The following GPATCH8 variants were observed in gnomAD, a reference collection of about 807,000 sequenced individuals.
GPATCH8 encodes G-patch domain containing 8.
GPATCH8 carries 18 observed loss-of-function variants against 118.3 expected under a neutral mutation model. The ratio of observed to expected loss-of-function variants is 0.15; its 90% CI spans 0.11 to 0.23. The LOEUF is 0.23. Among genes scored for constraint, GPATCH8 ranks in the 10% least tolerant of loss-of-function variants. The pLI, the probability that GPATCH8 is intolerant of heterozygous loss-of-function variation, is 1.00. For synonymous variants in GPATCH8, 659 were observed against 684.7 expected (o/e 0.96, Z 0.59); for missense variants, 1,631 against 1,873.8 (o/e 0.87, Z 2.39).
At position 44,401,354 on chromosome 17, in the gene GPATCH8, T is replaced by G; in HGVS notation, c.723A>C (p.Thr241=). The G allele has an allele frequency of 6.2e-7, 1 of 1,601,198 alleles. No individual in the cohort carries two copies. Among genetic ancestry groups the G allele is most frequent in the Non-Finnish European group, 8.6e-7 (1 of 1,168,814 alleles). Residue 241 remains threonine, a synonymous_variant, in exon 8 of 8, where the codon ACA becomes ACC. Coordinates refer to ENST00000591680, the MANE Select transcript of GPATCH8 (RefSeq NM_001002909.4). The part of the protein sequence containing the change: ...DKDESATNSG[T]GATASCGLGS... ...CCAGGCCACAAGAAGCAGTGGCACC[T>G]GTGCCACTATTTGTAGCTGATTCAT...
At chr17:44,495,351 T>C (rs903149898) in intron 1 of GPATCH8, among the ~76,000 whole-genome samples, 7 of 151,992 alleles carry the variant, frequency 4.6e-5, no homozygotes, top group Non-Finnish European at 1.0e-4. Flanking sequence ...TAAAATAAAA[T>C]AAAAGCATGT....
At chr17:44,420,643 G>A (rs1035809690) in intron 6 of GPATCH8, among the ~76,000 whole-genome samples, 62 of 152,272 alleles carry the variant, frequency 4.1e-4, no homozygotes, top group South Asian at 1.5e-3. Flanking sequence ...GGTAACACAA[G>A]GTGTGCAGGA....
intron 5 of GPATCH8, among the ~76,000 whole-genome samples, chr17:44,431,521 A>G (rs996526855): frequency 1.3e-5 from 2 of 151,572 alleles, no homozygotes; most frequent in African/African-American, 4.8e-5. Flanking sequence ...CTAAGTGTTT[A>G]TAGTTTTTCT....
chr17:44,397,805 T>A lies in GPATCH8; in HGVS notation c.4272A>T (p.Ser1424=), dbSNP rs993547531. Residue 1424 remains serine, a synonymous_variant, in exon 8 of 8, where the codon TCA becomes TCT. Transcript: ENST00000591680. ...AGGTGGCAGGGTGGCCAGGGATGAT[T>A]GAGTGAGTGAGGTGGGACAAAGAAA... ...TPISLSHLTH[S]IIPGHPATFL... The A allele has an allele frequency of 6.3e-7, 1 of 1,584,538 alleles. No individual in the cohort carries two copies. The highest frequency in any genetic ancestry group is 1.7e-5 in the Admixed American group (1 of 58,732).
At chr17:44,464,224 C>G (rs1360090488) in intron 3 of GPATCH8, among the ~76,000 whole-genome samples, 4 of 152,136 alleles carry the variant, frequency 2.6e-5, no homozygotes, top group Non-Finnish European at 5.9e-5. Flanking sequence ...ACAGGCTGAG[C>G]CACACACAGT....
rs184730304 is a variant in GPATCH8 at position 44,479,608 on chromosome 17, C to A, written c.46-4705G>T. On this transcript the variant is annotated intron_variant, in intron 1 of 7. Coordinates refer to ENST00000591680, the MANE Select transcript of GPATCH8 (RefSeq NM_001002909.4). The stretch of plus-strand genomic sequence containing the variant: ...AGAAGAAAAAATACAAGAGAAAAAT[C>A]TTTGTGACCACAGGCTAGGCAAATA... 2.2e-3 allele frequency among the ~76,000 whole-genome samples: 330 copies of A among 152,260 alleles called. 1 individual carries two copies. The highest frequency in any genetic ancestry group is 7.6e-3 in the African/African-American group (314 of 41,562).
chr17:44,449,758 C>T (rs2051046277), intron 3 of GPATCH8, among the ~76,000 whole-genome samples: 1 of 152,160 alleles, frequency 6.6e-6, no homozygotes, highest in African/African-American at 2.4e-5. Context: ...GGTGATCCGC[C>T]CGCCTCAGCC....
rs140472204 is a variant in GPATCH8, at chr17:44,438,794, G to A, written c.194-2249C>T. ...GCCTTCTAGCAGGCAGACAGGATGG[G>A]GTAAAGTTAACAGTTGGGCTTTGTC... On this transcript the variant is annotated intron_variant, in intron 3 of 7. Transcript: ENST00000591680. 539 of 152,656 alleles carry A rather than the reference G, an allele frequency of 3.5e-3. 1 individual carries two copies. The highest frequency in any genetic ancestry group is 4.8e-3 in the Non-Finnish European group (329 of 68,074). 9.5% of individuals were successfully genotyped at this position (152,656 alleles called of 1,614,324 possible).
chr17:44,442,118 TATATAG>T (rs1257324062), intron 3 of GPATCH8, among the ~76,000 whole-genome samples: 47 of 140,916 alleles, frequency 3.3e-4, no homozygotes, highest in African/African-American at 5.6e-4. Context: ...CATATATATA[TATATAG>T]AGAGAGAGAG....
intron 1 of GPATCH8, among the ~76,000 whole-genome samples, chr17:44,477,996 G>C (rs1263134514): frequency 2.3e-5 from 2 of 87,108 alleles, no homozygotes; most frequent in Non-Finnish European, 5.7e-5. Flanking sequence ...TTTTAGTAGA[G>C]ATGGGGTGGG....
chr17:44,489,221 T>C (rs1175434957), intron 1 of GPATCH8, among the ~76,000 whole-genome samples: 2 of 152,098 alleles, frequency 1.3e-5, no homozygotes, highest in African/African-American at 2.4e-5. Context: ...GCTTAGTATA[T>C]GGATAATATA....
chr17:44,488,223 CTTTTTTT>C (rs927607960), intron 1 of GPATCH8, among the ~76,000 whole-genome samples: 4 of 101,366 alleles, frequency 3.9e-5, no homozygotes, highest in East Asian at 3.1e-4. Context: ...GTGCCTGACC[CTTTTTTT>C]TTTTTTTTTT....
At chr17:44,500,797 G>A (rs1367484083) in intron 1 of GPATCH8, among the ~76,000 whole-genome samples, 3 of 152,190 alleles carry the variant, frequency 2.0e-5, no homozygotes, top group African/African-American at 7.2e-5. Context: ...TATAGTCAGT[G>A]GCTTCACCCA....
chr17:44,475,901 A>G (rs537594590), intron 1 of GPATCH8, among the ~76,000 whole-genome samples: 1 of 151,464 alleles, frequency 6.6e-6, no homozygotes, highest in South Asian at 2.1e-4. Flanking sequence ...TTGTGGTGTG[A>G]GCCTGTAGTC....
intron 3 of GPATCH8, among the ~76,000 whole-genome samples, chr17:44,460,708 T>A (rs1399815185): frequency 6.6e-6 from 1 of 152,214 alleles, no homozygotes; most frequent in African/African-American, 2.4e-5. Context: ...GACAATGAAC[T>A]AGTCAATGTG....
intron 1 of GPATCH8, among the ~76,000 whole-genome samples, chr17:44,492,469 G>A (rs1237837025): frequency 1.3e-5 from 2 of 151,778 alleles, no homozygotes; most frequent in Admixed American, 1.3e-4. Flanking sequence ...CTACTCGGAA[G>A]GCTGAGGCAG....
At chr17:44,418,813 T>A in intron 6 of GPATCH8, among the ~76,000 whole-genome samples, 1 of 152,170 alleles carries the variant, frequency 6.6e-6, no homozygotes, top group East Asian at 1.9e-4. Flanking sequence ...TAAAAAGGAA[T>A]CATATATTGG....
chr17:44,397,760 G>C lies in GPATCH8; in HGVS notation c.4317C>G (p.Ile1439Met). ...HPATFLASHP[I>M]HIIPASAIHP... is the part of the protein sequence containing the mutation. ...GGATGGCTGAGGCGGGAATGATGTG[G>C]ATGGGATGGCTAGCGAGAAAGGTGG... Residue 1439 changes from isoleucine (I) to methionine (M), a missense_variant, in exon 8 of 8, where the codon ATC (isoleucine) becomes ATG (methionine). By Grantham distance (10) the Ile-to-Met change is conservative. Coordinates refer to ENST00000591680, the MANE Select transcript of GPATCH8 (RefSeq NM_001002909.4). 1.3e-6 allele frequency: 2 copies of C among 1,587,294 alleles called. No homozygotes were observed. Among genetic ancestry groups the C allele is most frequent in the Non-Finnish European group, 1.7e-6 (2 of 1,164,576 alleles).
At chr17:44,501,365 C>A (rs2144512046) in intron 1 of GPATCH8, among the ~76,000 whole-genome samples, 1 of 151,568 alleles carries the variant, frequency 6.6e-6, no homozygotes, top group South Asian at 2.1e-4. Context: ...TGCAGTGAGC[C>A]GAGATCGTGC....
Sources: gnomAD v4.1 joint callset for allele counts (sites outside exome capture counted in the v4.1 genomes callset) on GRCh38, gnomAD v4.1.1 for gene constraint, MANE v1.5 for transcripts, NCBI Gene and HGNC (gene_info 2026-07-23, HGNC 2026-07-21) for gene names.